The following BCAS3 variants were observed in gnomAD, a reference collection of about 807,000 sequenced individuals.
BCAS3 encodes BCAS4/BCAS3 fusion.
A neutral mutation model predicts 116.1 loss-of-function variants in BCAS3; 53 were observed. That is an observed-to-expected ratio of 0.46 (90% CI 0.37 to 0.57). BCAS3 has a LOEUF of 0.57. Among genes scored for constraint, BCAS3 ranks in the 20% least tolerant of loss-of-function variants. The pLI, the probability that BCAS3 is intolerant of heterozygous loss-of-function variation, is 0.00. For missense variants in BCAS3, 917 were observed against 1,165.4 expected (o/e 0.79, Z 3.10); for synonymous variants, 391 against 408.2 (o/e 0.96, Z 0.51).
Position 61,376,059 on chromosome 17 carries a change from TA to T in BCAS3, c.2593+7566del, listed in dbSNP as rs1281416738. Among the ~76,000 whole-genome samples the T allele has an allele frequency of 6.6e-6, 1 of 152,210 alleles. No individual in the cohort carries two copies. The highest frequency in any genetic ancestry group is 2.4e-5 in the African/African-American group (1 of 41,438). On this transcript the variant is annotated intron_variant, in intron 23 of 23. Transcript: ENST00000407086. This position sits in a 1 kb window ranked among gnomAD's most constrained non-coding sequence, Gnocchi z 4.5. ...AAAATCTGCAATTTAGAGAGAACTT[TA>T]TCCAGTCCAGCCCTAGGGGTAGATA... is the stretch of plus-strand genomic sequence containing the variant.
chr17:61,335,893 C>G (rs1009682755), intron 22 of BCAS3, among the ~76,000 whole-genome samples: 1 of 152,252 alleles, frequency 6.6e-6, no homozygotes, highest in African/African-American at 2.4e-5. Context: ...AGAGTGGGCA[C>G]CTGAGAGGGT....
At chr17:60,790,860 C>T (rs1291600669) in intron 6 of BCAS3, among the ~76,000 whole-genome samples, 1 of 150,870 alleles carries the variant, frequency 6.6e-6, no homozygotes, top group Non-Finnish European at 1.5e-5. Context: ...TCTCCTACCT[C>T]AGCCTCCCAA....
In BCAS3 at chr17:61,285,099, C is replaced by T. The variant is rs1409208156; in HGVS notation, c.2426-83228C>T. Among the ~76,000 whole-genome samples the T allele has an allele frequency of 1.3e-5, 2 of 152,194 alleles. No individual in the cohort carries two copies. Among genetic ancestry groups the T allele is most frequent in the Admixed American group, 6.5e-5 (1 of 15,270 alleles). On this transcript the variant is annotated intron_variant, in intron 22 of 23. Transcript: ENST00000407086. This position sits in a 1 kb window ranked among gnomAD's most constrained non-coding sequence, Gnocchi z 5.4. ...ATGCTAACCTCGGGGTCTCTTCTGT[C>T]CCCTAGTGATTCAAACCAGCTATCC... is the stretch of plus-strand genomic sequence containing the variant.
chr17:60,934,934 G>A (rs1272846941), intron 13 of BCAS3, among the ~76,000 whole-genome samples: 4 of 152,072 alleles, frequency 2.6e-5, no homozygotes, highest in Non-Finnish European at 4.4e-5. Context: ...CAAGGTGGGC[G>A]AATCACTTGG....
intron 4 of BCAS3, among the ~76,000 whole-genome samples, chr17:60,699,501 G>A (rs2036098304): frequency 6.6e-6 from 1 of 152,112 alleles, no homozygotes; most frequent in East Asian, 1.9e-4. Context: ...GATTACAGGC[G>A]TGAGCCACCA....
In BCAS3 at chr17:61,198,716, C is replaced by G. The variant is rs947195045; in HGVS notation, c.2425+114152C>G. 5.3e-5 allele frequency among the ~76,000 whole-genome samples: 8 copies of G among 152,202 alleles called. No individual in the cohort carries two copies. The highest frequency in any genetic ancestry group is 5.2e-4 in the Admixed American group (8 of 15,276). The stretch of plus-strand genomic sequence containing the variant: ...AATACACTGTTCAGTTAGTCTCAAA[C>G]ACTTTCTTAGCATTTATCTTCAAAC... On this transcript the variant is annotated intron_variant, in intron 22 of 23. Coordinates refer to ENST00000407086, the MANE Select transcript of BCAS3 (RefSeq NM_017679.5). The surrounding 1 kb of genome is among the most constrained non-coding windows in gnomAD (Gnocchi z 5.0).
chr17:61,221,052 A>C lies in BCAS3; in HGVS notation c.2425+136488A>C, dbSNP rs749704494. ...GAGGCAGAGCTCGCAGTGAGCCGAG[A>C]TCGCACCACTGCACTCCAGCCTGGT... On this transcript the variant is annotated intron_variant, in intron 22 of 23. Transcript: ENST00000407086. Among the ~76,000 whole-genome samples the C allele has an allele frequency of 3.9e-5, 6 of 152,334 alleles. No individual in the cohort carries two copies. The East Asian group carries it at 5.8e-4, about 15-fold the overall frequency.
At chr17:60,926,248 C>G (rs1385586623) in intron 13 of BCAS3, among the ~76,000 whole-genome samples, 1 of 152,162 alleles carries the variant, frequency 6.6e-6, no homozygotes, top group Non-Finnish European at 1.5e-5. Flanking sequence ...GTATAGTCAT[C>G]ATAAACTTGC....
At position 61,087,339 on chromosome 17, in the gene BCAS3, C is replaced by A. The variant is rs2073170655; in HGVS notation, c.2425+2775C>A. On this transcript the variant is annotated intron_variant, in intron 22 of 23. Coordinates refer to ENST00000407086, the MANE Select transcript of BCAS3 (RefSeq NM_017679.5). This position sits in a 1 kb window ranked among gnomAD's most constrained non-coding sequence, Gnocchi z 4.6. ...TATCTTCTTAATTATTCCTATGGCA[C>A]ATGTTACACCTAACCCTCTATTTTA... The A allele has an allele frequency of 2.5e-6, 1 of 399,594 alleles. No homozygotes were observed. The highest frequency in any genetic ancestry group is 3.4e-6 in the Non-Finnish European group (1 of 294,450). The allele number at this position is 399,594 out of a possible 1,614,324, so 24.8% of individuals were successfully genotyped here.
Position 61,095,786 on chromosome 17 carries a change from A to G in BCAS3, c.2425+11222A>G, listed in dbSNP as rs2073928908. 1.3e-5 allele frequency among the ~76,000 whole-genome samples: 2 copies of G among 151,672 alleles called. No individual in the cohort carries two copies. The highest frequency in any genetic ancestry group is 2.9e-5 in the Non-Finnish European group (2 of 67,932). On this transcript the variant is annotated intron_variant, in intron 22 of 23. Coordinates refer to ENST00000407086, the MANE Select transcript of BCAS3 (RefSeq NM_017679.5). The surrounding 1 kb of genome is among the most constrained non-coding windows in gnomAD (Gnocchi z 4.7). ...CTGACTGGGGTCCTGAGTTTTTTTA[A>G]GCACACTGGGATCCTGAATTTTAAA...
At chr17:60,684,370 C>A (rs16944564) in intron 3 of BCAS3, among the ~76,000 whole-genome samples, 1 of 152,038 alleles carries the variant, frequency 6.6e-6, no homozygotes, top group African/African-American at 2.4e-5. Flanking sequence ...AAGCAATATA[C>A]ACTCTGCACT....
chr17:61,310,494 C>T (rs111333103), intron 22 of BCAS3, among the ~76,000 whole-genome samples: 3,114 of 149,916 alleles, frequency 0.021, 97 homozygotes, highest in African/African-American at 0.072. Context: ...GCGGAGGTTG[C>T]AGTGAGCCGA....
chr17:60,779,370 C>CTTT, intron 6 of BCAS3, among the ~76,000 whole-genome samples: 1 of 140,866 alleles, frequency 7.1e-6, no homozygotes, highest in African/African-American at 2.6e-5. Flanking sequence ...TATTTTCTTT[C>CTTT]TTTTTTTTTT....
chr17:61,308,104 G>A (rs578233126), intron 22 of BCAS3, among the ~76,000 whole-genome samples: 10 of 152,164 alleles, frequency 6.6e-5, no homozygotes, highest in African/African-American at 1.9e-4. Flanking sequence ...CCAGCCAGGC[G>A]TTGGAGTTCA....
intron 2 of BCAS3, among the ~76,000 whole-genome samples, chr17:60,681,061 C>T (rs2033013962): frequency 6.6e-6 from 1 of 152,128 alleles, no homozygotes; most frequent in Non-Finnish European, 1.5e-5. Context: ...AAAAATTAGC[C>T]AGGCATTGTG....
intron 16 of BCAS3, 50 bp downstream of exon 16, chr17:61,015,951 A>G: frequency 6.6e-7 from 1 of 1,525,698 alleles, no homozygotes; most frequent in Non-Finnish European, 8.9e-7. Context: ...ATAGGGTTGA[A>G]TGAATAAAAA....
At chr17:60,830,321 G>T (rs999805446) in intron 7 of BCAS3, among the ~76,000 whole-genome samples, 2 of 152,120 alleles carry the variant, frequency 1.3e-5, no homozygotes, top group Non-Finnish European at 2.9e-5. Flanking sequence ...CTTTATGTTT[G>T]AGAACTGTAA....
Position 61,019,265 on chromosome 17 carries a change from C to T in BCAS3, c.1637+3364C>T. Among the ~76,000 whole-genome samples the T allele has an allele frequency of 6.6e-6, 1 of 152,126 alleles. No individual in the cohort carries two copies. Among genetic ancestry groups the T allele is most frequent in the Middle Eastern group, 3.2e-3 (1 of 316 alleles). On this transcript the variant is annotated intron_variant, in intron 16 of 23. Transcript: ENST00000407086. This position sits in a 1 kb window ranked among gnomAD's most constrained non-coding sequence, Gnocchi z 5.6. ...TGTTGTGAACTACACATGTGAGGGA[C>T]CTAGGTTGCACACTCCTTATGAGAA...
intron 10 of BCAS3, among the ~76,000 whole-genome samples, chr17:60,893,879 G>A (rs1173928162): frequency 2.6e-5 from 4 of 152,028 alleles, no homozygotes; most frequent in Non-Finnish European, 5.9e-5. Context: ...AAAGTGCTGG[G>A]ATTGCAGGCA....
Sources: allele counts gnomAD v4.1 joint callset (sites outside exome capture counted in the v4.1 genomes callset), GRCh38; gene constraint gnomAD v4.1.1; non-coding constraint Gnocchi (gnomAD v3.1); transcripts MANE v1.5; gene names NCBI Gene and HGNC (gene_info 2026-07-23, HGNC 2026-07-21).